The following WWOX variants were observed in gnomAD, a reference collection of about 807,000 sequenced individuals.
The protein encoded by WWOX is WW domain-containing oxidoreductase.
WWOX carries 69 observed loss-of-function variants against 46.2 expected under a neutral mutation model. The observed-to-expected ratio is 1.49, with a 90% CI of 1.23 to 1.82. The LOEUF (loss-of-function observed/expected upper bound fraction) is 1.82, where lower values mean the gene tolerates loss of function less well. Ranked by LOEUF, WWOX falls within the 40% of genes most tolerant of loss-of-function variation. WWOX has a pLI of 0.00. For missense variants in WWOX, 919 were observed against 542.6 expected (o/e 1.69, Z -6.89); for synonymous variants, 359 against 202.6 (o/e 1.77, Z -6.56).
At chr16:78,659,335 C>G (rs749899063) in intron 8 of WWOX, among the ~76,000 whole-genome samples, 2 of 152,002 alleles carry the variant, frequency 1.3e-5, no homozygotes, top group African/African-American at 4.8e-5. Flanking sequence ...ACCATCGCGC[C>G]TGGGGTTCTC....
chr16:78,794,299 T>C (rs933556534), intron 8 of WWOX, among the ~76,000 whole-genome samples: 9 of 152,176 alleles, frequency 5.9e-5, no homozygotes, highest in African/African-American at 1.9e-4. Context: ...TCCAGAACCA[T>C]GAGAAATAAA....
At chr16:79,033,490 AG>A (rs1283541920) in intron 8 of WWOX, among the ~76,000 whole-genome samples, 1 of 152,066 alleles carries the variant, frequency 6.6e-6, no homozygotes, top group African/African-American at 2.4e-5. Flanking sequence ...TTAGGCTCAC[AG>A]CAAAATCGAG....
chr16:78,920,567 T>C (rs1265416533), intron 8 of WWOX, among the ~76,000 whole-genome samples: 3 of 152,128 alleles, frequency 2.0e-5, no homozygotes, highest in African/African-American at 7.2e-5. Context: ...CCTGCCCTTG[T>C]TAAATGTCAG....
intron 8 of WWOX, among the ~76,000 whole-genome samples, chr16:78,458,371 TGGCC>T (rs1329724842): frequency 1.3e-4 from 19 of 151,490 alleles, no homozygotes; most frequent in Admixed American, 1.3e-3. Context: ...AGCAATCCTC[TGGCC>T]TCAGCCTCCC....
In WWOX at chr16:78,692,067, C is replaced by G. The variant is rs538012591; in HGVS notation, c.1056+259315C>G. On this transcript the variant is annotated intron_variant, in intron 8 of 8. Coordinates refer to ENST00000566780, the MANE Select transcript of WWOX (RefSeq NM_016373.4). ...CACCATGTTTCTGAGGCCTCCCCAG[C>G]CATGTGGAACTGTAAGTCCAGTTAA... Among the ~76,000 whole-genome samples, 134 of 152,270 alleles carry G rather than the reference C, an allele frequency of 8.8e-4. 1 individual carries two copies. The highest frequency in any genetic ancestry group is 4.6e-3 in the South Asian group (22 of 4,818).
chr16:78,589,630 C>T (rs868599816), intron 8 of WWOX, among the ~76,000 whole-genome samples: 6 of 152,238 alleles, frequency 3.9e-5, no homozygotes, highest in Middle Eastern at 3.4e-3. Context: ...CAAGTAGTTT[C>T]CGGTAAAGGC....
intron 5 of WWOX, among the ~76,000 whole-genome samples, chr16:78,283,528 A>C (rs762633966): frequency 6.6e-6 from 1 of 152,142 alleles, no homozygotes; most frequent in African/African-American, 2.4e-5. Flanking sequence ...ACAGCTGGGT[A>C]GGTTGTTTCC....
At chr16:78,476,958 T>G (rs1597139614) in intron 8 of WWOX, among the ~76,000 whole-genome samples, 2 of 152,240 alleles carry the variant, frequency 1.3e-5, no homozygotes, top group Middle Eastern at 6.8e-3. Flanking sequence ...CTTTCCTCTT[T>G]TTCACCCTTT....
At chr16:78,521,697 C>G (rs2043351377) in intron 8 of WWOX, among the ~76,000 whole-genome samples, 1 of 152,092 alleles carries the variant, frequency 6.6e-6, no homozygotes, top group African/African-American at 2.4e-5. Flanking sequence ...GGTTACCTTT[C>G]TAAGTGTCTT....
intron 8 of WWOX, chr16:78,780,523 A>C (rs1567554878): frequency 6.6e-6 from 1 of 152,366 alleles, no homozygotes; most frequent in East Asian, 1.9e-4. Flanking sequence ...TAAGCAAGTA[A>C]ATATACAAGA....
intron 8 of WWOX, among the ~76,000 whole-genome samples, chr16:78,919,378 G>C (rs2045324284): frequency 2.0e-5 from 3 of 151,990 alleles, no homozygotes; most frequent in African/African-American, 4.8e-5. Context: ...GTTGAGTCTA[G>C]AATTGTCTTT....
Position 79,212,228 on chromosome 16 carries a change from G to A in WWOX, c.*432G>A, listed in dbSNP as rs1160251762. 14 of 1,381,094 alleles carry A rather than the reference G, an allele frequency of 1.0e-5. No individual in the cohort carries two copies. The highest frequency in any genetic ancestry group is 4.6e-5 in the South Asian group (3 of 65,902). The allele number at this position is 1,381,094 out of a possible 1,614,324, so 85.6% of individuals were successfully genotyped here. A position where few individuals can be genotyped will look rare whatever the true frequency, so the allele number is the denominator to read the frequency against. On this transcript the variant is annotated 3_prime_UTR_variant, in exon 9 of 9. Transcript: ENST00000566780. ...AGGGAAGAAAAAGCAAGTGTTCACT[G>A]CTCCTTGCTGCATTGATCCAGGAGA...
chr16:79,157,494 A>G (rs752425219), intron 8 of WWOX, among the ~76,000 whole-genome samples: 2 of 152,064 alleles, frequency 1.3e-5, no homozygotes, highest in African/African-American at 2.4e-5. Context: ...AGGTTGAACT[A>G]GAATAGGTTG....
intron 8 of WWOX, among the ~76,000 whole-genome samples, chr16:78,676,592 T>A (rs984362302): frequency 6.6e-6 from 1 of 152,194 alleles, no homozygotes; most frequent in Non-Finnish European, 1.5e-5. Flanking sequence ...TCGGGCACTC[T>A]GCTCAGTGCA....
chr16:78,276,119 C>G (rs961721538), intron 5 of WWOX, among the ~76,000 whole-genome samples: 2 of 152,184 alleles, frequency 1.3e-5, no homozygotes, highest in Non-Finnish European at 2.9e-5. Context: ...TTACCAAAGC[C>G]GTTTTCATAC....
chr16:78,404,873 T>C (rs1452674502), intron 6 of WWOX, among the ~76,000 whole-genome samples: 1 of 152,028 alleles, frequency 6.6e-6, no homozygotes, highest in African/African-American at 2.4e-5. Context: ...AGGAGAAAAA[T>C]GGAAACAACC....
intron 6 of WWOX, among the ~76,000 whole-genome samples, chr16:78,412,062 T>C (rs1406281423): frequency 6.6e-6 from 1 of 152,080 alleles, no homozygotes; most frequent in African/African-American, 2.4e-5. Flanking sequence ...AATGGACAGT[T>C]ATCTGGAGGA....
At chr16:78,192,388 A>C (rs1597334232) in intron 5 of WWOX, among the ~76,000 whole-genome samples, 1 of 148,600 alleles carries the variant, frequency 6.7e-6, no homozygotes, top group East Asian at 2.1e-4. Context: ...GCTACTCAGG[A>C]GGCTGAGGCA....
chr16:78,722,083 G>C (rs1165296539), intron 8 of WWOX, among the ~76,000 whole-genome samples: 2 of 152,092 alleles, frequency 1.3e-5, no homozygotes, highest in South Asian at 2.1e-4. Context: ...ATTATATTTT[G>C]CTTTACGTGC....
Sources: allele counts gnomAD v4.1 joint callset (sites outside exome capture counted in the v4.1 genomes callset), GRCh38; gene constraint gnomAD v4.1.1; transcripts MANE v1.5; gene names NCBI Gene and HGNC (gene_info 2026-07-23, HGNC 2026-07-21).